The following RAB10 variants were observed in gnomAD, a reference collection of about 807,000 sequenced individuals.
RAB10 encodes the protein RAB10, member RAS oncogene family.
A neutral mutation model predicts 25.7 loss-of-function variants in RAB10; 5 were observed. The observed-to-expected ratio is 0.19, with a 90% confidence interval of 0.10 to 0.41. The LOEUF (loss-of-function observed/expected upper bound fraction) is 0.41. RAB10 is among the 10% of genes least tolerant of loss of function. The pLI is 1.00. For synonymous variants in RAB10, 89 were observed against 86.4 expected (o/e 1.03, Z -0.16); for missense variants, 103 against 245.8 (o/e 0.42, Z 3.89).
chr2:26,045,962 G>A (rs2149262526), intron 1 of RAB10, among the ~76,000 whole-genome samples: 1 of 152,308 alleles, frequency 6.6e-6, no homozygotes, highest in South Asian at 2.1e-4. Context: ...AGGTCATAGA[G>A]GTGGGTCCTT....
chr2:26,044,955 A>G (rs1665966183), intron 1 of RAB10, among the ~76,000 whole-genome samples: 1 of 151,812 alleles, frequency 6.6e-6, no homozygotes, highest in Non-Finnish European at 1.5e-5. Flanking sequence ...CTGCTCATCA[A>G]TTTCAATTTG....
chr2:26,092,261 CTG>C lies in RAB10; in HGVS notation c.128-6341_128-6340del, dbSNP rs56875863. 5.3e-3 allele frequency among the ~76,000 whole-genome samples: 696 copies of C among 130,866 alleles called. 2 individuals are homozygous for C. The highest frequency in any genetic ancestry group is 7.9e-3 in the East Asian group (34 of 4,324). 85.9% of individuals were successfully genotyped at this position (130,866 alleles called of 152,430 possible). The stretch of plus-strand genomic sequence containing the variant: ...TGGAGATCATTGATCATAGTGAGAG[CTG>C]TGTGTGTGTGTGTGTGTGTGTGTGT... On this transcript the variant is annotated intron_variant, in intron 1 of 5. Transcript: ENST00000264710.
At chr2:26,053,173 T>A (rs1666171589) in intron 1 of RAB10, among the ~76,000 whole-genome samples, 1 of 152,208 alleles carries the variant, frequency 6.6e-6, no homozygotes, top group African/African-American at 2.4e-5. Flanking sequence ...TCCACTTTTT[T>A]AAAACTTGTA....
chr2:26,073,246 A>G (rs1666665378), intron 1 of RAB10, among the ~76,000 whole-genome samples: 1 of 152,252 alleles, frequency 6.6e-6, no homozygotes, highest in South Asian at 2.1e-4. Context: ...TGGAAGGGCT[A>G]GAGGAACAAA....
chr2:26,108,832 A>G (rs1667515375), intron 2 of RAB10, among the ~76,000 whole-genome samples: 1 of 152,070 alleles, frequency 6.6e-6, no homozygotes, highest in South Asian at 2.1e-4. Flanking sequence ...AAAGAGGAGC[A>G]GGGATAGTTG....
At chr2:26,084,326 C>CAGA (rs907276207) in intron 1 of RAB10, among the ~76,000 whole-genome samples, 1 of 152,192 alleles carries the variant, frequency 6.6e-6, no homozygotes, top group African/African-American at 2.4e-5. Context: ...GTTCCCCCAA[C>CAGA]AGAAGGACTT....
upstream of RAB10, among the ~76,000 whole-genome samples, chr2:26,033,514 G>A (rs1203499983): frequency 6.6e-6 from 1 of 152,248 alleles, no homozygotes; most frequent in Admixed American, 6.5e-5. Context: ...TCCCCGTCAG[G>A]GCTGGCCCTG....
At chr2:26,071,668 G>A (rs1666629082) in intron 1 of RAB10, among the ~76,000 whole-genome samples, 1 of 137,982 alleles carries the variant, frequency 7.2e-6, no homozygotes, top group South Asian at 2.4e-4. Flanking sequence ...CAGCCTGGGT[G>A]ACAGAGTGAG....
intron 3 of RAB10, among the ~76,000 whole-genome samples, chr2:26,113,674 T>A (rs180900630): frequency 4.1e-5 from 6 of 146,570 alleles, no homozygotes; most frequent in African/African-American, 2.5e-5. Flanking sequence ...TCCCCTAAGA[T>A]CAAGAGCATG....
chr2:26,113,381 C>A (rs1667616985), intron 3 of RAB10, among the ~76,000 whole-genome samples: 1 of 152,070 alleles, frequency 6.6e-6, no homozygotes, highest in African/African-American at 2.4e-5. Context: ...CGAGACCAGC[C>A]TGGCCAACAT....
intron 1 of RAB10, among the ~76,000 whole-genome samples, chr2:26,068,225 G>A (rs890277575): frequency 3.9e-5 from 6 of 152,172 alleles, no homozygotes; most frequent in African/African-American, 1.4e-4. Flanking sequence ...GAAAGATGAT[G>A]TGTGTTGCAA....
intron 3 of RAB10, 46 bp downstream of exon 3, chr2:26,109,952 G>T (rs928021556): frequency 6.8e-7 from 1 of 1,474,826 alleles, no homozygotes; most frequent in Admixed American, 2.3e-5. Context: ...ACACATTTGT[G>T]TGCTTGGTTA....
chr2:26,076,545 G>A (rs546080344), intron 1 of RAB10, among the ~76,000 whole-genome samples: 33 of 152,326 alleles, frequency 2.2e-4, no homozygotes, highest in Non-Finnish European at 3.5e-4. Context: ...TGCCCCCAAA[G>A]TATTAGATAG....
At chr2:26,092,826 A>G (rs1445850205) in intron 1 of RAB10, among the ~76,000 whole-genome samples, 2 of 152,168 alleles carry the variant, frequency 1.3e-5, no homozygotes, top group Non-Finnish European at 2.9e-5. Flanking sequence ...CAGCCGGGTC[A>G]TTTTAGGATG....
intron 1 of RAB10, among the ~76,000 whole-genome samples, chr2:26,093,318 G>A (rs1667147211): frequency 6.6e-6 from 1 of 152,104 alleles, no homozygotes; most frequent in Admixed American, 6.6e-5. Context: ...CTGGAAAAAT[G>A]TATGAAGTCT....
At chr2:26,064,213 G>C (rs1222348492) in intron 1 of RAB10, among the ~76,000 whole-genome samples, 1 of 152,122 alleles carries the variant, frequency 6.6e-6, no homozygotes, top group Non-Finnish European at 1.5e-5. Context: ...TAATAATGAG[G>C]TCCAAATCCT....
intron 1 of RAB10, among the ~76,000 whole-genome samples, chr2:26,037,749 T>C (rs1052307143): frequency 8.5e-5 from 13 of 152,208 alleles, no homozygotes; most frequent in African/African-American, 3.1e-4. Context: ...CCAGGCACTT[T>C]GTAGGAGCAC....
intron 2 of RAB10, among the ~76,000 whole-genome samples, chr2:26,104,122 G>T (rs1202803812): frequency 2.6e-5 from 4 of 152,056 alleles, no homozygotes; most frequent in Non-Finnish European, 5.9e-5. Flanking sequence ...TGGATCATAT[G>T]GTACCTCCAT....
Position 26,135,677 on chromosome 2 carries a change from G to GTAA in RAB10, c.*658_*660dup, listed in dbSNP as rs1042019773. On this transcript the variant is annotated 3_prime_UTR_variant, in exon 6 of 6. Coordinates refer to ENST00000264710, the MANE Select transcript of RAB10 (RefSeq NM_016131.5). The stretch of plus-strand genomic sequence containing the variant: ...CAAAGTAGTTAATTGAGGACAAAGG[G>GTAA]TAATGCAGAAGTGATAGCTTTGGTT... The GTAA allele has an allele frequency of 2.7e-4, 41 of 152,740 alleles. No individual in the cohort carries two copies. Among genetic ancestry groups the GTAA allele is most frequent in the African/African-American group, 9.6e-4 (40 of 41,560 alleles). 9.5% of individuals were successfully genotyped at this position (152,740 alleles called of 1,614,324 possible).
Sources: gnomAD v4.1 joint callset for allele counts (sites outside exome capture counted in the v4.1 genomes callset) on GRCh38, gnomAD v4.1.1 for gene constraint, MANE v1.5 for transcripts, NCBI Gene and HGNC (gene_info 2026-07-23, HGNC 2026-07-21) for gene names.